The following GMPPA variants were observed in gnomAD, a reference collection of about 807,000 sequenced individuals.
GMPPA encodes mannose-1-phosphate guanylyltransferase regulatory subunit alpha.
In GMPPA, 46 loss-of-function variants were observed where a neutral mutation model predicts 58.6. The observed-to-expected ratio is 0.78, with a 90% CI of 0.62 to 1.00. The LOEUF (loss-of-function observed/expected upper bound fraction) is 1.00, where lower values mean the gene tolerates loss of function less well. Among genes scored for constraint, GMPPA ranks in the 50% least tolerant of loss-of-function variants. GMPPA has a pLI of 0.00. For missense variants in GMPPA, 468 were observed against 556.4 expected (o/e 0.84, Z 1.60); for synonymous variants, 211 against 214.9 (o/e 0.98, Z 0.16).
In GMPPA at chr2:219,506,756, CAAG is replaced by C. The variant is rs1290633520; in HGVS notation, c.1222_1224del (p.Lys408del). The C allele has an allele frequency of 1.2e-6, 2 of 1,605,330 alleles. No homozygotes were observed. Among genetic ancestry groups the C allele is most frequent in the African/African-American group, 2.7e-5 (2 of 74,724 alleles). On this transcript the variant is annotated inframe_deletion, in exon 13 of 13. Transcript: ENST00000313597. ...TCCTGAACTCGATTGTTCTGCCACA[CAAG>C]GAGCTGAGCCGAAGCTTCACCAACC...
rs150386940 is a variant in GMPPA, at chr2:219,502,393, G to T, written c.441G>T (p.Thr147=). ...TGTCTGTCTTTCAGGCTAACAGGAC[G>T]CAATCCCTCAACTACGGCTGCATCG... is the stretch of plus-strand genomic sequence containing the variant. The part of the protein sequence containing the change: ...FLLLGTTANR[T]QSLNYGCIVE... Residue 147 remains threonine, a synonymous_variant, in exon 6 of 13, where the codon ACG becomes ACT. Coordinates refer to ENST00000313597, the MANE Select transcript of GMPPA (RefSeq NM_013335.4). This position sits in a 1 kb window ranked among gnomAD's most constrained non-coding sequence, Gnocchi z 4.0. 5.0e-6 allele frequency: 8 copies of T among 1,613,790 alleles called. No individual in the cohort carries two copies. Among genetic ancestry groups the T allele is most frequent in the Middle Eastern group, 1.6e-4 (1 of 6,062 alleles).
intron 3 of GMPPA, 167 bp from the exon 4 acceptor site, chr2:219,501,309 C>T (rs1222581879): frequency 1.6e-6 from 1 of 620,354 alleles, no homozygotes; most frequent in East Asian, 2.6e-5. Flanking sequence ...CGACTTCCTC[C>T]AAATTCCTCA....
Position 219,502,121 on chromosome 2 carries a change from C to A in GMPPA, c.429+84C>A. ...ATTCAGGGTGTTGGGGAGGCAGGGG[C>A]GCCCCGGGAGTTGGTGTGGGAGCTG... On this transcript the variant is annotated intron_variant, in intron 5 of 12. Coordinates refer to ENST00000313597, the MANE Select transcript of GMPPA (RefSeq NM_013335.4). The surrounding 1 kb of genome is among the most constrained non-coding windows in gnomAD (Gnocchi z 4.0). 2.1e-6 allele frequency: 3 copies of A among 1,412,194 alleles called. No individual in the cohort carries two copies. Among genetic ancestry groups the A allele is most frequent in the Non-Finnish European group, 3.0e-6 (3 of 1,014,578 alleles). 87.5% of individuals were successfully genotyped at this position (1,412,194 alleles called of 1,614,324 possible). A position where few individuals can be genotyped will look rare whatever the true frequency, so the allele number is the denominator to read the frequency against.
chr2:219,504,411 TTCC>T (rs1694503946), intron 7 of GMPPA, 198 bp downstream of exon 7: 1 of 590,246 alleles, frequency 1.7e-6, no homozygotes, highest in Non-Finnish European at 3.0e-6. Context: ...TCCATCCCAG[TTCC>T]TCCTCTGTCA....
At chr2:219,498,973 T>A (rs1274501027) in intron 1 of GMPPA, 35 bp downstream of exon 1, 4 of 151,448 alleles carry the variant, frequency 2.6e-5, no homozygotes, top group African/African-American at 7.3e-5. Context: ...GCGGCAGGGG[T>A]AAGGGGCAGG....
In GMPPA at chr2:219,505,359, C is replaced by T; in HGVS notation, c.752C>T (p.Ala251Val). The T allele has an allele frequency of 1.2e-6, 2 of 1,613,650 alleles. No individual in the cohort carries two copies. The highest frequency in any genetic ancestry group is 1.7e-6 in the Non-Finnish European group (2 of 1,179,922). The change falls in exon 8 of 13, where the codon GCA becomes GTA. Residue 251 changes from alanine to valine, a missense_variant. Coordinates refer to ENST00000313597, the MANE Select transcript of GMPPA (RefSeq NM_013335.4). ...GGTATCTGGAGTCAGATCAAGTCCG[C>T]AGGGTATGGAAGGCTGGGTCCCCTG... ...TDGIWSQIKS[A>V]GSALYASRLY...
At chr2:219,506,580 C>A in intron 12 of GMPPA, 118 bp from the exon 13 acceptor site, 2 of 969,448 alleles carry the variant, frequency 2.1e-6, no homozygotes, top group Non-Finnish European at 3.1e-6. Context: ...TCACCGGGGG[C>A]ATGAGACCAG....
intron 7 of GMPPA, 127 bp downstream of exon 7, chr2:219,504,340 C>T: frequency 2.4e-6 from 2 of 845,188 alleles, no homozygotes; most frequent in Non-Finnish European, 3.7e-6. Context: ...CTCCACTTGC[C>T]ATCTCCAGCA....
intron 3 of GMPPA, chr2:219,500,451 G>A (rs1224622168): frequency 1.8e-6 from 1 of 570,366 alleles, no homozygotes; most frequent in African/African-American, 1.9e-5. Context: ...TATTTTTAAA[G>A]TGTGGAATGT....
rs146471448 is a variant in GMPPA, at chr2:219,500,093, C to G, written c.41-28C>G. Reference sequence around the variant, plus strand: ...ATGGGGGCAGAGGAAGGCAGGAGGCCGAAATGTTCTCCTCTCTCCTCTCCC... The same window carrying G: ...ATGGGGGCAGAGGAAGGCAGGAGGCGGAAATGTTCTCCTCTCTCCTCTCCC... On this transcript the variant is annotated intron_variant, in intron 2 of 12. Coordinates refer to ENST00000313597, the MANE Select transcript of GMPPA (RefSeq NM_013335.4). 2.8e-5 allele frequency: 44 copies of G among 1,599,738 alleles called. No homozygotes were observed. The African/African-American group carries it at 5.1e-4, about 18-fold the overall frequency.
rs559328059 is a variant in GMPPA, at chr2:219,506,637, C to T, written c.1163-61C>T. 112 of 1,076,052 alleles carry T rather than the reference C, an allele frequency of 1.0e-4. 3 individuals are homozygous for T. In the South Asian group the frequency reaches 1.4e-3, roughly 14 times the overall value. The allele number at this position is 1,076,052 out of a possible 1,614,324, so 66.7% of individuals were successfully genotyped here. A position where few individuals can be genotyped will look rare whatever the true frequency, so the allele number is the denominator to read the frequency against. On this transcript the variant is annotated intron_variant, in intron 12 of 12. Coordinates refer to ENST00000313597, the MANE Select transcript of GMPPA (RefSeq NM_013335.4). ...CTCCCTCCCTGCTGGCAGTGGCCCCCAGCTCCCTGCCCCTGTCTCCCCTCC... is the reference window on the plus strand; with the variant it reads ...CTCCCTCCCTGCTGGCAGTGGCCCCTAGCTCCCTGCCCCTGTCTCCCCTCC...
In GMPPA at chr2:219,502,691, C is replaced by T. The variant is rs1196224163; in HGVS notation, c.489+250C>T. Reference sequence around the variant, plus strand: ...GTGCATGATGGGAACACCAAGGGGGCCCCAACCCAGCCTTGCTGGGGTGGG... The same window carrying T: ...GTGCATGATGGGAACACCAAGGGGGTCCCAACCCAGCCTTGCTGGGGTGGG... On this transcript the variant is annotated intron_variant, in intron 6 of 12. Coordinates refer to ENST00000313597, the MANE Select transcript of GMPPA (RefSeq NM_013335.4). The surrounding 1 kb of genome is among the most constrained non-coding windows in gnomAD (Gnocchi z 4.0). Among the ~76,000 whole-genome samples the T allele has an allele frequency of 6.6e-6, 1 of 152,034 alleles. No homozygotes were observed. Among genetic ancestry groups the T allele is most frequent in the Non-Finnish European group, 1.5e-5 (1 of 67,994 alleles).
chr2:219,506,974 C>A lies in GMPPA; in HGVS notation c.*176C>A. 1 of 605,938 alleles carries A rather than the reference C, an allele frequency of 1.7e-6. No homozygotes were observed. The allele number at this position is 605,938 out of a possible 1,614,324, so 37.5% of individuals were successfully genotyped here. A position where few individuals can be genotyped will look rare whatever the true frequency, so the allele number is the denominator to read the frequency against. ...TTCTCCCTCCCGACTCCCTAATAAA[C>A]CCCGTGAACCTTGGAGCCAGCACAG... On this transcript the variant is annotated 3_prime_UTR_variant, in exon 13 of 13. Transcript: ENST00000313597.
Position 219,506,083 on chromosome 2 carries a change from G to C in GMPPA, c.993+11G>C, listed in dbSNP as rs1440840420. On this transcript the variant is annotated intron_variant, in intron 11 of 12. Transcript: ENST00000313597. ...GGAGCCACTTTGCAGGTAGGTACCA[G>C]CATACACAGCAGCATGTGACACCCC... 6.4e-7 allele frequency: 1 copy of C among 1,554,330 alleles called. No homozygotes were observed. The highest frequency in any genetic ancestry group is 2.3e-5 in the East Asian group (1 of 43,788).
At position 219,506,742 on chromosome 2, in the gene GMPPA, A is replaced by ATGAGCACCACATCC. The variant is rs1694609354; in HGVS notation, c.1208_1209insGAGCACCACATCCT (p.Ile403MetfsTer13). On this transcript the variant is annotated frameshift_variant, in exon 13 of 13. Coordinates refer to ENST00000313597, the MANE Select transcript of GMPPA (RefSeq NM_013335.4). LOFTEE classifies it high-confidence loss of function. ...TGCCGAGGTGCTCATCCTGAACTCGATTGTTCTGCCACACAAGGAGCTGAG... is the reference window on the plus strand; with the variant it reads ...TGCCGAGGTGCTCATCCTGAACTCGATGAGCACCACATCCTTGTTCTGCCACACAAGGAGCTGAG... 6.2e-7 allele frequency: 1 copy of ATGAGCACCACATCC among 1,608,486 alleles called. No individual in the cohort carries two copies. Among genetic ancestry groups the ATGAGCACCACATCC allele is most frequent in the Non-Finnish European group, 8.5e-7 (1 of 1,175,364 alleles).
rs540104169 is a variant in GMPPA at position 219,500,270 on chromosome 2, T to C, written c.138+52T>C. On this transcript the variant is annotated intron_variant, in intron 3 of 12. Coordinates refer to ENST00000313597, the MANE Select transcript of GMPPA (RefSeq NM_013335.4). ...CCTCACTTCCTGCTTATCTTCATGCTGTTTCCCCCTTTCCCAACCATGAAC... is the reference window on the plus strand; with the variant it reads ...CCTCACTTCCTGCTTATCTTCATGCCGTTTCCCCCTTTCCCAACCATGAAC... 4 of 980,916 alleles carry C rather than the reference T, an allele frequency of 4.1e-6. No individual in the cohort carries two copies. In the Admixed American group the frequency reaches 6.0e-5, roughly 15 times the overall value. The allele number at this position is 980,916 out of a possible 1,614,324, so 60.8% of individuals were successfully genotyped here. A position where few individuals can be genotyped will look rare whatever the true frequency, so the allele number is the denominator to read the frequency against.
Position 219,502,352 on chromosome 2 carries a change from G to A in GMPPA, c.430-30G>A, listed in dbSNP as rs747084211. On this transcript the variant is annotated intron_variant, in intron 5 of 12. Transcript: ENST00000313597. The surrounding 1 kb of genome is among the most constrained non-coding windows in gnomAD (Gnocchi z 4.0). ...GACGTGGCTGCCCTGGAGCAGGCGG[G>A]TCACTGTCTCGGGTGTGTCTGTCTT... is the stretch of plus-strand genomic sequence containing the variant. 5.0e-6 allele frequency: 8 copies of A among 1,604,728 alleles called. No individual in the cohort carries two copies. The Middle Eastern group carries it at 8.2e-4, about 165-fold the overall frequency.
At chr2:219,504,639 C>T (rs190650448) in intron 7 of GMPPA, 2 of 210,268 alleles carry the variant, frequency 9.5e-6, no homozygotes, top group Non-Finnish European at 1.9e-5. Context: ...GGTCTTCCCT[C>T]CTGGGGCTAG....
chr2:219,504,509 G>A (rs1019816124), intron 7 of GMPPA: 3 of 470,366 alleles, frequency 6.4e-6, no homozygotes, highest in African/African-American at 3.9e-5. Flanking sequence ...GCAACACACA[G>A]TTGGGCGCAC....
Sources: allele counts gnomAD v4.1 joint callset (sites outside exome capture counted in the v4.1 genomes callset), GRCh38; gene constraint gnomAD v4.1.1; non-coding constraint Gnocchi (gnomAD v3.1); transcripts MANE v1.5; gene names NCBI Gene and HGNC (gene_info 2026-07-23, HGNC 2026-07-21).